Variants in ZFHX3 observed in about 807,000 individuals in gnomAD.
ZFHX3 encodes the protein zinc finger homeobox 3, also known as zinc finger homeobox protein 3.
In ZFHX3, 42 loss-of-function variants were observed where a neutral mutation model predicts 279.1. The ratio of observed to expected loss-of-function variants is 0.15; its 90% CI spans 0.12 to 0.19. The LOEUF is 0.19. Ranked by LOEUF, ZFHX3 falls within the 10% of genes least tolerant of loss-of-function variation. The pLI is 1.00. For missense variants in ZFHX3, 4,981 were observed against 4,754.0 expected, an observed-to-expected ratio of 1.05 and a Z score of -1.40; for synonymous variants, 2,293 against 1,957.8, an observed-to-expected ratio of 1.17 and a Z score of -4.52.
chr16:73,708,483 A>T (rs189148893), intron 1 of ZFHX3, among the ~76,000 whole-genome samples: 20 of 152,340 alleles, frequency 1.3e-4, no homozygotes, highest in African/African-American at 4.8e-4. Context: ...TATTTCTCAC[A>T]AACTCTTCAT....
At chr16:73,738,022 G>T (rs140075762) in intron 1 of ZFHX3, among the ~76,000 whole-genome samples, 1 of 152,112 alleles carries the variant, frequency 6.6e-6, no homozygotes, top group Non-Finnish European at 1.5e-5. Context: ...GGATTATCAT[G>T]GGATTTTATT....
intron 2 of ZFHX3, among the ~76,000 whole-genome samples, chr16:73,639,224 T>A (rs1350596680): frequency 6.6e-6 from 1 of 152,192 alleles, no homozygotes; most frequent in African/African-American, 2.4e-5. Flanking sequence ...CACAGCAGCA[T>A]TTGCTGCTGT....
At chr16:73,782,454 T>A (rs997355141) in intron 1 of ZFHX3, among the ~76,000 whole-genome samples, 1 of 152,160 alleles carries the variant, frequency 6.6e-6, no homozygotes, top group Non-Finnish European at 1.5e-5. Context: ...CTATTTAAGG[T>A]CCCTAATTTA....
At chr16:73,562,037 C>A (rs1288947240) in intron 2 of ZFHX3, among the ~76,000 whole-genome samples, 2 of 152,190 alleles carry the variant, frequency 1.3e-5, no homozygotes, top group Non-Finnish European at 2.9e-5. Flanking sequence ...TCTTTTGAGA[C>A]AAGCGAATAC....
chr16:73,670,563 A>C (rs17377346), intron 2 of ZFHX3, among the ~76,000 whole-genome samples: 8,926 of 152,276 alleles, frequency 0.059, 441 homozygotes, highest in Admixed American at 0.16. Context: ...GAAGATTATC[A>C]GTAAGACCTT....
At chr16:72,943,909 G>A (rs879805962) in intron 3 of ZFHX3, among the ~76,000 whole-genome samples, 12 of 152,102 alleles carry the variant, frequency 7.9e-5, no homozygotes, top group Non-Finnish European at 1.0e-4. Flanking sequence ...ATACTATGTC[G>A]ACATTAAAAA....
chr16:73,016,244 T>C (rs1378883411), intron 1 of ZFHX3, among the ~76,000 whole-genome samples: 1 of 152,242 alleles, frequency 6.6e-6, no homozygotes, highest in African/African-American at 2.4e-5. Context: ...ACAATTAACC[T>C]GAAGTATTAT....
At chr16:73,767,254 T>C (rs1266904466) in intron 1 of ZFHX3, among the ~76,000 whole-genome samples, 1 of 152,170 alleles carries the variant, frequency 6.6e-6, no homozygotes, top group Non-Finnish European at 1.5e-5. Context: ...CTACTTTTAA[T>C]GGCAGAAACT....
chr16:73,725,497 G>A (rs147940054), intron 1 of ZFHX3, among the ~76,000 whole-genome samples: 217 of 151,896 alleles, frequency 1.4e-3, no homozygotes, highest in African/African-American at 5.0e-3. Context: ...AAAGAGACAG[G>A]GGTCTTATTG....
chr16:73,056,339 T>A (rs2144735051), intron 1 of ZFHX3, among the ~76,000 whole-genome samples: 1 of 152,260 alleles, frequency 6.6e-6, no homozygotes, highest in South Asian at 2.1e-4. Flanking sequence ...TCTAGTATAT[T>A]CTCTTTTATT....
At chr16:73,587,713 A>G (rs1050256068) in intron 2 of ZFHX3, among the ~76,000 whole-genome samples, 1 of 152,250 alleles carries the variant, frequency 6.6e-6, no homozygotes, top group African/African-American at 2.4e-5. Context: ...AGAAATAGTA[A>G]TTGGAGAGTT....
intron 8 of ZFHX3, among the ~76,000 whole-genome samples, chr16:73,070,026 T>C (rs1354436416): frequency 6.6e-6 from 1 of 152,130 alleles, no homozygotes; most frequent in Non-Finnish European, 1.5e-5. Flanking sequence ...TTTCCAGAGG[T>C]CCCTTTCCCA....
chr16:73,499,654 T>G (rs2019201230), intron 2 of ZFHX3: 1 of 152,146 alleles, frequency 6.6e-6, no homozygotes, highest in African/African-American at 2.4e-5. Flanking sequence ...AGACTACAGA[T>G]GTATGAGGGG....
chr16:72,965,317 C>T (rs529324442), intron 1 of ZFHX3, among the ~76,000 whole-genome samples: 27 of 152,318 alleles, frequency 1.8e-4, no homozygotes, highest in African/African-American at 6.3e-4. Context: ...AGAACGCTGG[C>T]ATCTCACCCA....
At chr16:72,906,300 C>T (rs1278122128) in intron 3 of ZFHX3, among the ~76,000 whole-genome samples, 2 of 152,070 alleles carry the variant, frequency 1.3e-5, no homozygotes, top group African/African-American at 4.8e-5. Flanking sequence ...CCCCTGCTTA[C>T]ACTCAGTAAG....
chr16:73,476,722 C>G (rs566327807), intron 2 of ZFHX3, among the ~76,000 whole-genome samples: 2 of 152,198 alleles, frequency 1.3e-5, no homozygotes, highest in East Asian at 3.9e-4. Context: ...TGTGCTTCAC[C>G]AAAGTTTGGG....
At chr16:73,427,360 G>A (rs545447487) in intron 3 of ZFHX3, among the ~76,000 whole-genome samples, 2 of 152,246 alleles carry the variant, frequency 1.3e-5, no homozygotes, top group African/African-American at 2.4e-5. Context: ...GTGGGGATTT[G>A]CTAGGAGGTG....
intron 1 of ZFHX3, among the ~76,000 whole-genome samples, chr16:73,726,047 C>T (rs1184908969): frequency 6.6e-6 from 1 of 152,156 alleles, no homozygotes; most frequent in East Asian, 1.9e-4. Context: ...CAGGACCAAC[C>T]TTGGGGGCAC....
In ZFHX3 at chr16:73,025,716, C is replaced by T. The variant is rs147022146; in HGVS notation, c.-50+22036G>A. ...AGCCAGAGTATTGTCAGGGCCCAAC[C>T]GAAAAAGATAAACAGTCAGAGACCT... On this transcript the variant is annotated intron_variant, in intron 1 of 9. Transcript: ENST00000268489. Among the ~76,000 whole-genome samples, 560 of 152,132 alleles carry T rather than the reference C, an allele frequency of 3.7e-3. 2 individuals carry two copies. The highest frequency in any genetic ancestry group is 0.012 in the African/African-American group (507 of 41,510).
Sources: allele counts gnomAD v4.1 joint callset (sites outside exome capture counted in the v4.1 genomes callset), GRCh38; gene constraint gnomAD v4.1.1; transcripts MANE v1.5; gene names NCBI Gene and HGNC (gene_info 2026-07-23, HGNC 2026-07-21).